The following HSD17B13 variants were observed in gnomAD, a reference collection of about 807,000 sequenced individuals.
HSD17B13 encodes the protein 17-beta-hydroxysteroid dehydrogenase 13.
In HSD17B13, 26 loss-of-function variants were observed where a neutral mutation model predicts 31.1. The ratio of observed to expected loss-of-function variants is 0.84; its 90% CI spans 0.61 to 1.16. The LOEUF is 1.16. Ranked by LOEUF, HSD17B13 falls within the 50% of genes most tolerant of loss-of-function variation. The pLI, the probability that HSD17B13 is intolerant of heterozygous loss-of-function variation, is 0.00. For synonymous variants in HSD17B13, 141 were observed against 133.7 expected (o/e 1.05, Z -0.38); for missense variants, 374 against 366.5 (o/e 1.02, Z -0.17).
In HSD17B13 at chr4:87,322,647, C is replaced by A; in HGVS notation, c.195G>T (p.Leu65=). The change falls in exon 1 of 7, where the codon CTG becomes CTT. Residue 65 remains leucine (L), a synonymous_variant. Transcript: ENST00000328546. ...EFAKRQSILV[L]WDINKRGVEE... Reference sequence around the variant, plus strand: ...TATACATTACCTTATTAATATCCCACAGAACCAATATGCTCTGTCGTTTTG... The same window carrying A: ...TATACATTACCTTATTAATATCCCAAAGAACCAATATGCTCTGTCGTTTTG... 6.2e-7 allele frequency: 1 copy of A among 1,612,640 alleles called. No homozygotes were observed. Among genetic ancestry groups the A allele is most frequent in the Non-Finnish European group, 8.5e-7 (1 of 1,178,628 alleles).
intron 1 of HSD17B13, among the ~76,000 whole-genome samples, chr4:87,320,103 C>T (rs1017162692): frequency 6.6e-6 from 1 of 152,230 alleles, no homozygotes; most frequent in Non-Finnish European, 1.5e-5. Flanking sequence ...CTTTGTATTT[C>T]GCTACTGTAG....
intron 1 of HSD17B13, among the ~76,000 whole-genome samples, chr4:87,322,078 G>C (rs1344374155): frequency 6.6e-5 from 10 of 152,198 alleles, no homozygotes; most frequent in Non-Finnish European, 1.5e-4. Flanking sequence ...ATTTAACACA[G>C]TTATTGTTTA....
intron 5 of HSD17B13, among the ~76,000 whole-genome samples, chr4:87,313,082 A>G (rs931463748): frequency 6.9e-6 from 1 of 145,632 alleles, no homozygotes; most frequent in African/African-American, 2.6e-5. Flanking sequence ...AATAAAAACA[A>G]AAACTTTTTT....
intron 1 of HSD17B13, among the ~76,000 whole-genome samples, 196 bp from the exon 2 acceptor site, chr4:87,318,632 T>C (rs1344202139): frequency 6.6e-6 from 1 of 151,048 alleles, no homozygotes; most frequent in Non-Finnish European, 1.5e-5. Flanking sequence ...ACCCCGTCTC[T>C]ACTAAAAATA....
At position 87,310,274 on chromosome 4, in the gene HSD17B13, A is replaced by T; in HGVS notation, c.781T>A (p.Ser261Thr). 1 of 1,581,106 alleles carries T rather than the reference A, an allele frequency of 6.3e-7. No homozygotes were observed. Among genetic ancestry groups the T allele is most frequent in the Admixed American group, 1.9e-5 (1 of 52,646 alleles). ...AGTCTCAGAAAGATATTGATATACG[A>T]TGGAACAAAAATCATTTTCTTATTG... ...LTNKKMIFVPSYINIFLRLQK... is the reference protein window; with the variant it reads ...LTNKKMIFVPTYINIFLRLQK... The change falls in exon 6 of 7, where the codon TCG becomes ACG. Residue 261 changes from serine to threonine, a missense_variant. Ser to Thr is a moderately conservative substitution (Grantham distance 58). Coordinates refer to ENST00000328546, the MANE Select transcript of HSD17B13 (RefSeq NM_178135.5).
At chr4:87,305,413 C>G (rs572297029) in intron 6 of HSD17B13, 105 bp from the exon 7 acceptor site, 1 of 592,656 alleles carries the variant, frequency 1.7e-6, no homozygotes, top group African/African-American at 1.9e-5. Flanking sequence ...ATCTGGTTTG[C>G]GTTTAACTTT....
intron 4 of HSD17B13, among the ~76,000 whole-genome samples, chr4:87,315,028 A>G (rs1274544625): frequency 6.6e-6 from 1 of 152,216 alleles, no homozygotes; most frequent in South Asian, 2.1e-4. Context: ...ATCTTGAGGC[A>G]GGAGAACAGG....
At chr4:87,311,718 G>C (rs572375168) in intron 5 of HSD17B13, among the ~76,000 whole-genome samples, 1 of 152,326 alleles carries the variant, frequency 6.6e-6, no homozygotes, top group South Asian at 2.1e-4. Flanking sequence ...TAAAGGCTGG[G>C]TGAGGAGTTA....
chr4:87,310,305 T>C lies in HSD17B13; in HGVS notation c.750A>G (p.Ile250Met). ...CAAAAATCATTTTCTTATTGGTAAG[T>C]ATTCCATCTATCAGACTTCTTACGA... ...DEVVRSLIDG[I>M]LTNKKMIFVP... Residue 250 changes from isoleucine (I) to methionine (M), a missense_variant, in exon 6 of 7, where the codon ATA becomes ATG. Physicochemically the swap from Ile to Met is conservative, Grantham distance 10. Transcript: ENST00000328546. 6.3e-7 allele frequency: 1 copy of C among 1,579,238 alleles called. No homozygotes were observed. Among genetic ancestry groups the C allele is most frequent in the East Asian group, 2.4e-5 (1 of 42,314 alleles).
intron 1 of HSD17B13, among the ~76,000 whole-genome samples, chr4:87,320,291 C>G (rs73839191): frequency 0.059 from 8,952 of 152,028 alleles, 847 homozygotes; most frequent in African/African-American, 0.2. Context: ...CAAACCACAC[C>G]ATACTCTCTC....
rs768944122 is a variant in HSD17B13 at position 87,317,083 on chromosome 4, C to G, written c.450+9G>C. 6.2e-7 allele frequency: 1 copy of G among 1,613,640 alleles called. No individual in the cohort carries two copies. Among genetic ancestry groups the G allele is most frequent in the Non-Finnish European group, 8.5e-7 (1 of 1,179,622 alleles). On this transcript the variant is annotated intron_variant, in intron 3 of 6. Transcript: ENST00000328546. ...GCACAAATCAGAAATGTTTCTGACT[C>G]ACACTCACCCAAAAATGTCCTAGGA...
At chr4:87,313,687 G>T in intron 5 of HSD17B13, 136 bp downstream of exon 5, 1 of 682,622 alleles carries the variant, frequency 1.5e-6, no homozygotes, top group Non-Finnish European at 2.3e-6. Context: ...TTAATTTCAA[G>T]ATAATAATAA....
chr4:87,309,655 T>C (rs981783501), intron 6 of HSD17B13, among the ~76,000 whole-genome samples: 12 of 152,348 alleles, frequency 7.9e-5, no homozygotes, highest in African/African-American at 2.9e-4. Flanking sequence ...TATTATTAAC[T>C]ACTTCACTAT....
intron 6 of HSD17B13, among the ~76,000 whole-genome samples, chr4:87,309,633 A>G (rs969088878): frequency 6.6e-6 from 1 of 152,178 alleles, no homozygotes; most frequent in African/African-American, 2.4e-5. Context: ...AGACTTTTAA[A>G]AATGGAGTCT....
rs189016777 is a variant in HSD17B13, at chr4:87,317,764, T to C, written c.319-541A>G. 2.6e-3 allele frequency among the ~76,000 whole-genome samples: 391 copies of C among 151,942 alleles called. 6 individuals carry two copies. Among genetic ancestry groups the C allele is most frequent in the Admixed American group, 0.024 (369 of 15,270 alleles). On this transcript the variant is annotated intron_variant, in intron 2 of 6. Transcript: ENST00000328546. Reference sequence around the variant, plus strand: ...TAACCTAATAACTACATGACCTGGGTCTGGCTTAACCTCTCTGAGTCATAA... The same window carrying C: ...TAACCTAATAACTACATGACCTGGGCCTGGCTTAACCTCTCTGAGTCATAA...
rs869241617 is a variant in HSD17B13 at position 87,317,563 on chromosome 4, CTTTTTT to C, written c.319-346_319-341del. 2.4e-4 allele frequency among the ~76,000 whole-genome samples: 12 copies of C among 49,748 alleles called. 1 individual carries two copies. Among genetic ancestry groups the C allele is most frequent in the African/African-American group, 3.4e-4 (4 of 11,884 alleles). The allele number at this position is 49,748 out of a possible 152,430, so 32.6% of individuals were successfully genotyped here. A position where few individuals can be genotyped will look rare whatever the true frequency, so the allele number is the denominator to read the frequency against. On this transcript the variant is annotated intron_variant, in intron 2 of 6. Transcript: ENST00000328546. ...TTTTAAAAATGTGTTTTTCTTTAAA[CTTTTTT>C]TTTTTTTTTTTTTTTTTTTTTTAGA... is the stretch of plus-strand genomic sequence containing the variant.
chr4:87,315,676 T>A, intron 3 of HSD17B13, 77 bp from the exon 4 acceptor site: 1 of 845,298 alleles, frequency 1.2e-6, no homozygotes, highest in Middle Eastern at 2.4e-4. Flanking sequence ...TTATTTTTGT[T>A]AAGACAGAAA....
chr4:87,322,248 T>C (rs549615024), intron 1 of HSD17B13, among the ~76,000 whole-genome samples: 9 of 152,242 alleles, frequency 5.9e-5, no homozygotes, highest in Non-Finnish European at 2.9e-5. Flanking sequence ...AAGGTTTCTG[T>C]TGCAAGTTCT....
chr4:87,313,888 A>G lies in HSD17B13; in HGVS notation c.630T>C (p.Gly210=). The G allele has an allele frequency of 1.2e-6, 2 of 1,610,814 alleles. No individual in the cohort carries two copies. The highest frequency in any genetic ancestry group is 2.2e-5 in the South Asian group (2 of 90,458). The stretch of plus-strand genomic sequence containing the variant: ...CTGGGCAGAGACATGAGGTTTTGAT[A>G]CCAGTTTTTCCCAAGGCCTGAAGTT... ...TSELQALGKT[G]IKTSCLCPVF... The change falls in exon 5 of 7, where the codon GGT becomes GGC. Residue 210 remains glycine (G), a synonymous_variant. Coordinates refer to ENST00000328546, the MANE Select transcript of HSD17B13 (RefSeq NM_178135.5).
Sources: gnomAD v4.1 joint callset for allele counts (sites outside exome capture counted in the v4.1 genomes callset) on GRCh38, gnomAD v4.1.1 for gene constraint, MANE v1.5 for transcripts, NCBI Gene and HGNC (gene_info 2026-07-23, HGNC 2026-07-21) for gene names.